The following ST6GALNAC3 variants were observed in gnomAD, a reference collection of about 807,000 sequenced individuals.
ST6GALNAC3 encodes the protein ST6 N-acetylgalactosaminide alpha-2,6-sialyltransferase 3.
In ST6GALNAC3, 25 loss-of-function variants were observed where a neutral mutation model predicts 32.7. That is an observed-to-expected ratio of 0.76 (90% confidence interval 0.56 to 1.07). ST6GALNAC3 has a LOEUF of 1.07. Ranked by LOEUF, ST6GALNAC3 falls within the 50% of genes least tolerant of loss-of-function variation. The pLI, the probability that ST6GALNAC3 is intolerant of heterozygous loss-of-function variation, is 0.00. For synonymous variants in ST6GALNAC3, 129 were observed against 133.1 expected, an observed-to-expected ratio of 0.97 and a Z score of 0.21; for missense variants, 355 against 382.4, an observed-to-expected ratio of 0.93 and a Z score of 0.60.
At position 76,575,691 on chromosome 1, in the gene ST6GALNAC3, G is replaced by T. The variant is rs192901785; in HGVS notation, c.624-51761G>T. ...ACTGAAGGAAATCCGTAGGGAAAAG[G>T]TGAAATGGTGTATTTACCAATGATG... On this transcript the variant is annotated intron_variant, in intron 3 of 4. Coordinates refer to ENST00000328299, the MANE Select transcript of ST6GALNAC3 (RefSeq NM_152996.4). 1.1e-3 allele frequency among the ~76,000 whole-genome samples: 165 copies of T among 152,194 alleles called. No individual in the cohort carries two copies. The Middle Eastern group carries it at 0.02, about 19-fold the overall frequency.
chr1:76,386,513 T>A (rs1412297850), intron 2 of ST6GALNAC3, among the ~76,000 whole-genome samples: 1 of 152,206 alleles, frequency 6.6e-6, no homozygotes, highest in Non-Finnish European at 1.5e-5. Flanking sequence ...GCTTTTCAAA[T>A]GTGCTCCTTC....
chr1:76,112,526 C>T (rs1232999401), intron 1 of ST6GALNAC3, among the ~76,000 whole-genome samples: 4 of 151,778 alleles, frequency 2.6e-5, no homozygotes, highest in Admixed American at 6.5e-5. Flanking sequence ...TATTGACCCC[C>T]ACCTCCCTCC....
chr1:76,185,357 A>G (rs1416593359), intron 1 of ST6GALNAC3, among the ~76,000 whole-genome samples: 1 of 152,206 alleles, frequency 6.6e-6, no homozygotes, highest in Non-Finnish European at 1.5e-5. Context: ...TTATTGGAAC[A>G]TCACATTACA....
At chr1:76,167,070 T>C (rs1214862738) in intron 1 of ST6GALNAC3, among the ~76,000 whole-genome samples, 1 of 152,202 alleles carries the variant, frequency 6.6e-6, no homozygotes, top group Non-Finnish European at 1.5e-5. Context: ...CATCCTTGTC[T>C]TGTGCTGGTT....
chr1:76,591,610 G>C (rs543974310), intron 3 of ST6GALNAC3, among the ~76,000 whole-genome samples: 30 of 152,282 alleles, frequency 2.0e-4, no homozygotes, highest in Non-Finnish European at 3.8e-4. Flanking sequence ...TAAGACACAG[G>C]CTCTGTCTAG....
chr1:76,275,631 G>C (rs887994701), intron 1 of ST6GALNAC3, among the ~76,000 whole-genome samples: 8 of 151,952 alleles, frequency 5.3e-5, no homozygotes. Flanking sequence ...CTTTTTTTCT[G>C]TTTGCCTTCC....
At chr1:76,394,560 A>G (rs962681845) in intron 2 of ST6GALNAC3, among the ~76,000 whole-genome samples, 4 of 152,206 alleles carry the variant, frequency 2.6e-5, no homozygotes, top group African/African-American at 7.2e-5. Context: ...TCTAATAAGA[A>G]ATAAATATTT....
intron 1 of ST6GALNAC3, among the ~76,000 whole-genome samples, chr1:76,222,006 G>A (rs1308457089): frequency 6.6e-6 from 1 of 152,090 alleles, no homozygotes; most frequent in Admixed American, 6.6e-5. Context: ...TTCTGTTACT[G>A]GGTGGTCATC....
intron 2 of ST6GALNAC3, among the ~76,000 whole-genome samples, chr1:76,397,367 T>G: frequency 1.2e-5 from 1 of 83,298 alleles, no homozygotes; most frequent in Non-Finnish European, 2.2e-5. Flanking sequence ...TTCTATAAGA[T>G]GCTTTTTTTT....
chr1:76,412,089 G>C lies in ST6GALNAC3; in HGVS notation c.295G>C (p.Asp99His). The C allele has an allele frequency of 6.2e-7, 1 of 1,613,648 alleles. No homozygotes were observed. Among genetic ancestry groups the C allele is most frequent in the Non-Finnish European group, 8.5e-7 (1 of 1,179,788 alleles). ...MVGQKVGNEIDRSSCIWRMNN... is the reference protein window; with the variant it reads ...MVGQKVGNEIHRSSCIWRMNN... ...TGGCCAGAAGGTGGGAAATGAGATA[G>C]ATCGATCCTCCTGCATTTGGAGAAT... The change falls in exon 3 of 5, where the codon GAT becomes CAT. Residue 99 changes from aspartate (D) to histidine (H), a missense_variant. Coordinates refer to ENST00000328299, the MANE Select transcript of ST6GALNAC3 (RefSeq NM_152996.4).
chr1:76,309,960 T>G, intron 1 of ST6GALNAC3: 1 of 493,680 alleles, frequency 2.0e-6, no homozygotes, highest in South Asian at 1.5e-5. Flanking sequence ...ATGGTTGACT[T>G]ATTTTTCTCT....
chr1:76,369,931 G>C (rs893513656), intron 2 of ST6GALNAC3, among the ~76,000 whole-genome samples: 1 of 152,180 alleles, frequency 6.6e-6, no homozygotes, highest in Non-Finnish European at 1.5e-5. Context: ...CAAAGAGCTA[G>C]CTTGGAACAC....
chr1:76,259,417 C>T (rs937364580), intron 1 of ST6GALNAC3, among the ~76,000 whole-genome samples: 15 of 152,152 alleles, frequency 9.9e-5, no homozygotes, highest in African/African-American at 3.1e-4. Flanking sequence ...GTCCTCGTTT[C>T]ATGTGACAAT....
chr1:76,510,949 TA>T (rs533335582), intron 3 of ST6GALNAC3, among the ~76,000 whole-genome samples: 2 of 152,250 alleles, frequency 1.3e-5, no homozygotes, highest in South Asian at 2.1e-4. Context: ...ATCATAAAAT[TA>T]AAAAAACTGT....
At chr1:76,601,534 A>C (rs972055094) in intron 3 of ST6GALNAC3, among the ~76,000 whole-genome samples, 2 of 152,200 alleles carry the variant, frequency 1.3e-5, no homozygotes, top group Non-Finnish European at 2.9e-5. Flanking sequence ...TTGAAGGATA[A>C]AGAAAGAAAA....
intron 1 of ST6GALNAC3, among the ~76,000 whole-genome samples, chr1:76,149,359 G>A (rs1473262639): frequency 1.3e-5 from 2 of 152,220 alleles, no homozygotes; most frequent in Non-Finnish European, 2.9e-5. Context: ...TCTCTGTAGT[G>A]CAGTGGGAAA....
chr1:76,271,073 T>G (rs1204836176), intron 1 of ST6GALNAC3, among the ~76,000 whole-genome samples: 5 of 152,194 alleles, frequency 3.3e-5, no homozygotes, highest in African/African-American at 1.2e-4. Flanking sequence ...CTGCCTTGTT[T>G]GTTTTATAAA....
chr1:76,486,274 A>ATCCTTGTTAATCCTGGATG (rs1553126087), intron 3 of ST6GALNAC3, among the ~76,000 whole-genome samples: 2 of 152,114 alleles, frequency 1.3e-5, no homozygotes, highest in Non-Finnish European at 2.9e-5. Flanking sequence ...ATTCCTGGAT[A>ATCCTTGTTAATCCTGGATG]TCCTTGTTAA....
chr1:76,457,829 G>A (rs996863485), intron 3 of ST6GALNAC3, among the ~76,000 whole-genome samples: 2 of 149,970 alleles, frequency 1.3e-5, no homozygotes, highest in African/African-American at 4.9e-5. Flanking sequence ...CATGGGCAAG[G>A]ACTTCATGTC....
Sources: gnomAD v4.1 joint callset for allele counts (sites outside exome capture counted in the v4.1 genomes callset) on GRCh38, gnomAD v4.1.1 for gene constraint, MANE v1.5 for transcripts, NCBI Gene and HGNC (gene_info 2026-07-23, HGNC 2026-07-21) for gene names.